The following SYTL4 variants were observed in gnomAD, a reference collection of about 807,000 sequenced individuals.
The protein encoded by SYTL4 is synaptotagmin-like protein 4.
A neutral mutation model predicts 52.7 loss-of-function variants in SYTL4; 16 were observed. The observed-to-expected ratio is 0.30, with a 90% CI of 0.21 to 0.46. The LOEUF (loss-of-function observed/expected upper bound fraction) is 0.46, where lower values mean the gene tolerates loss of function less well. Ranked by LOEUF, SYTL4 falls within the 20% of genes least tolerant of loss-of-function variation. SYTL4 has a pLI of 1.00. For missense variants in SYTL4, 423 were observed against 519.9 expected, an observed-to-expected ratio of 0.81 and a Z score of 1.81; for synonymous variants, 160 against 186.6, an observed-to-expected ratio of 0.86 and a Z score of 1.16.
chrX:100,685,935 A>G, intron 16 of SYTL4, 55 bp downstream of exon 16: 1 of 1,097,935 alleles, frequency 9.1e-7, no homozygotes, highest in South Asian at 2.2e-5. Context: ...AGCAGAGGCT[A>G]CTGCAGACAA....
intron 8 of SYTL4, among the ~76,000 whole-genome samples, chrX:100,693,121 G>T (rs1431832510): frequency 9.0e-6 from 1 of 110,918 alleles, no homozygotes; most frequent in Non-Finnish European, 1.9e-5. Flanking sequence ...GTAGAGACAG[G>T]TTTTCACCAT....
chrX:100,676,649 T>G, intron 19 of SYTL4, among the ~76,000 whole-genome samples: 1 of 110,902 alleles, frequency 9.0e-6, no homozygotes, highest in South Asian at 3.9e-4. Flanking sequence ...CACGCCCAGC[T>G]AATTTTTTTG....
chrX:100,682,564 C>T (rs189994643), intron 16 of SYTL4, among the ~76,000 whole-genome samples: 4 of 109,629 alleles, frequency 3.6e-5, no homozygotes, highest in Non-Finnish European at 5.7e-5. Flanking sequence ...AGAAATCAGC[C>T]GACGGGGTGG....
At chrX:100,711,021 G>A (rs2084057073) in intron 2 of SYTL4, among the ~76,000 whole-genome samples, 1 of 112,251 alleles carries the variant, frequency 8.9e-6, no homozygotes, top group African/African-American at 3.2e-5. Flanking sequence ...GCTAAGAATA[G>A]TGCCTGTTTC....
Position 100,701,498 on chromosome X carries a change from T to C in SYTL4, c.286A>G (p.Ser96Gly). The C allele has an allele frequency of 8.3e-7, 1 of 1,211,920 alleles. No individual in the cohort carries two copies. The highest frequency in any genetic ancestry group is 1.8e-5 in the South Asian group (1 of 56,980). Reference protein sequence around the residue: ...LVCRDCRIQESNGTWRCKVCA... With the variant: ...LVCRDCRIQEGNGTWRCKVCA... ...ACCTTGCACCTCCAGGTACCATTGC[T>C]TTCCTGTATGCGGCAGTCCCGACAC... The change falls in exon 6 of 20, where the codon AGC (serine) becomes GGC (glycine). Residue 96 changes from serine (S) to glycine (G), a missense_variant. Ser to Gly is a moderately conservative substitution (Grantham distance 56). Coordinates refer to ENST00000372989, the MANE Select transcript of SYTL4 (RefSeq NM_001370165.1).
chrX:100,676,038 A>G lies in SYTL4; in HGVS notation c.2006T>C (p.Leu669Pro). The stretch of plus-strand genomic sequence containing the variant: ...GAAGAGGACAGGGACTCATAAACCC[A>G]GCTTCTGCTTGGCCATTGAGGAACG... ...QLRSSMAKQKLGL is the reference protein window; with the variant it reads ...QLRSSMAKQKPGL The change falls in exon 20 of 20, where the codon CTG becomes CCG. Residue 669 changes from leucine (L) to proline (P), a missense_variant. Physicochemically the swap from Leu to Pro is moderately conservative, Grantham distance 98. Transcript: ENST00000372989. The G allele has an allele frequency of 1.7e-6, 2 of 1,209,002 alleles. No homozygotes were observed. Among genetic ancestry groups the G allele is most frequent in the Non-Finnish European group, 2.2e-6 (2 of 894,522 alleles).
At chrX:100,687,026 C>G in intron 14 of SYTL4, 41 bp downstream of exon 14, 1 of 1,189,284 alleles carries the variant, frequency 8.4e-7, no homozygotes. Context: ...GGGGTCTGGT[C>G]TCTGGTCTCA....
At chrX:100,677,142 T>C (rs746612530) in intron 19 of SYTL4, among the ~76,000 whole-genome samples, 1 of 112,233 alleles carries the variant, frequency 8.9e-6, no homozygotes, top group East Asian at 2.8e-4. Context: ...GTCTGAGGAC[T>C]CTCTGAGAAG....
chrX:100,681,724 A>C (rs143916595), intron 16 of SYTL4, among the ~76,000 whole-genome samples: 2,917 of 111,962 alleles, frequency 0.026, 47 homozygotes, highest in African/African-American at 0.061. Context: ...AACGACCTAA[A>C]TGTCAATCAC....
chrX:100,700,841 T>C, intron 8 of SYTL4, 56 bp downstream of exon 8: 2 of 893,090 alleles, frequency 2.2e-6, no homozygotes, highest in Non-Finnish European at 3.3e-6. Context: ...AAAAGAATAG[T>C]AAAAGAATTA....
At position 100,702,007 on chromosome X, in the gene SYTL4, A is replaced by G; in HGVS notation, c.31T>C (p.Ser11Pro). Residue 11 changes from serine (S) to proline (P), a missense_variant, in exon 5 of 20, where the codon TCT (serine) becomes CCT (proline). Physicochemically the swap from Ser to Pro is moderately conservative, Grantham distance 74 (BLOSUM62 -1). Coordinates refer to ENST00000372989, the MANE Select transcript of SYTL4 (RefSeq NM_001370165.1). ...AGAATCAAATCCTTTTCCTCCTCAG[A>G]CAGAAAAGAAAGGTCCAGTAACTCC... MSELLDLSFL[S>P]EEEKDLILSV... The G allele has an allele frequency of 8.3e-7, 1 of 1,208,765 alleles. No homozygotes were observed. The highest frequency in any genetic ancestry group is 1.1e-6 in the Non-Finnish European group (1 of 893,363).
intron 2 of SYTL4, among the ~76,000 whole-genome samples, chrX:100,729,093 C>T (rs772241769): frequency 3.0e-4 from 33 of 109,861 alleles, no homozygotes; most frequent in Middle Eastern, 4.7e-3. Context: ...AAGTTGGCAT[C>T]AGGAATGCAA....
intron 2 of SYTL4, among the ~76,000 whole-genome samples, chrX:100,719,897 A>C: frequency 8.9e-6 from 1 of 111,849 alleles, no homozygotes; most frequent in East Asian, 2.8e-4. Flanking sequence ...AGGAAGTCAG[A>C]TATCTTAATA....
chrX:100,698,383 G>T (rs770253407), intron 8 of SYTL4, among the ~76,000 whole-genome samples: 106 of 112,171 alleles, frequency 9.4e-4, no homozygotes, highest in South Asian at 2.7e-3. Flanking sequence ...GATTACAGGA[G>T]TGAGCCACTG....
In SYTL4 at chrX:100,689,890, C is replaced by T. The variant is rs748472710; in HGVS notation, c.878G>A (p.Arg293Lys). Residue 293 changes from arginine to lysine, a missense_variant, in exon 12 of 20, where the codon AGA (arginine) becomes AAA (lysine). Coordinates refer to ENST00000372989, the MANE Select transcript of SYTL4 (RefSeq NM_001370165.1). ...VVHESGSLGDRSKSVPGLNVD... is the reference protein window; with the variant it reads ...VVHESGSLGDKSKSVPGLNVD... Reference sequence around the variant, plus strand: ...ATTGAGGCCTGGGACGGATTTGCTTCTGTCTCCCAAGGAGCCACTTTCATG... The same window carrying T: ...ATTGAGGCCTGGGACGGATTTGCTTTTGTCTCCCAAGGAGCCACTTTCATG... 2.5e-6 allele frequency: 3 copies of T among 1,209,849 alleles called. No individual in the cohort carries two copies. The highest frequency in any genetic ancestry group is 3.5e-5 in the South Asian group (2 of 56,867).
Position 100,701,519 on chromosome X carries a change from G to C in SYTL4, c.265C>G (p.Arg89Gly). The change falls in exon 6 of 20, where the codon CGG becomes GGG. Residue 89 changes from arginine to glycine, a missense_variant. By Grantham distance (125) the Arg-to-Gly change is moderately radical. Transcript: ENST00000372989. Reference sequence around the variant, plus strand: ...TTGCTTTCCTGTATGCGGCAGTCCCGACACACCAGGTGATTACAACCCCGA... The same window carrying C: ...TTGCTTTCCTGTATGCGGCAGTCCCCACACACCAGGTGATTACAACCCCGA... ...TCRGCNHLVC[R>G]DCRIQESNGT... 1 of 1,211,429 alleles carries C rather than the reference G, an allele frequency of 8.3e-7. No individual in the cohort carries two copies. The highest frequency in any genetic ancestry group is 1.7e-5 in the African/African-American group (1 of 57,707).
At chrX:100,726,347 C>T (rs1361472139) in intron 2 of SYTL4, among the ~76,000 whole-genome samples, 1 of 111,030 alleles carries the variant, frequency 9.0e-6, no homozygotes, top group Admixed American at 9.6e-5. Context: ...CCCTAAAGAA[C>T]TCCTCTTTTC....
At chrX:100,702,975 G>A (rs556181093) in intron 4 of SYTL4, 118 bp downstream of exon 4, 136 of 112,022 alleles carry the variant, frequency 1.2e-3, no homozygotes, top group African/African-American at 3.6e-3. Context: ...TGCCTTATCA[G>A]AGGACAAATT....
intron 2 of SYTL4, among the ~76,000 whole-genome samples, chrX:100,726,777 T>A (rs954229061): frequency 8.9e-6 from 1 of 111,787 alleles, no homozygotes; most frequent in African/African-American, 3.3e-5. Flanking sequence ...CTTCAATGTA[T>A]ATACTACATG....
Sources: allele counts gnomAD v4.1 joint callset (sites outside exome capture counted in the v4.1 genomes callset), GRCh38; gene constraint gnomAD v4.1.1; transcripts MANE v1.5; gene names NCBI Gene and HGNC (gene_info 2026-07-23, HGNC 2026-07-21).